The following LRRFIP1 variants were observed in gnomAD, a reference collection of about 807,000 sequenced individuals.
The protein encoded by LRRFIP1 is LRR binding FLII interacting protein 1, also known as leucine-rich repeat flightless-interacting protein 1.
In LRRFIP1, 62 loss-of-function variants were observed where a neutral mutation model predicts 104.4. The observed-to-expected ratio is 0.59, with a 90% CI of 0.48 to 0.73. LRRFIP1 has a LOEUF of 0.73. Ranked by LOEUF, LRRFIP1 falls within the 30% of genes least tolerant of loss-of-function variation. The pLI, the probability that LRRFIP1 is intolerant of heterozygous loss-of-function variation, is 0.00. For synonymous variants in LRRFIP1, 300 were observed against 299.0 expected (o/e 1.00, Z -0.03); for missense variants, 796 against 824.5 (o/e 0.97, Z 0.42).
intron 19 of LRRFIP1, chr2:237,768,318 A>T (rs1213202300): frequency 6.6e-6 from 1 of 152,196 alleles, no homozygotes. Flanking sequence ...TACCTATATC[A>T]ATTTTGCTTG....
At chr2:237,637,361 G>A (rs1024230868) in intron 1 of LRRFIP1, among the ~76,000 whole-genome samples, 2 of 152,148 alleles carry the variant, frequency 1.3e-5, no homozygotes, top group East Asian at 1.9e-4. Context: ...TCAGCTACTC[G>A]GGGGGCTGAG....
chr2:237,701,538 G>A (rs1031870678), intron 1 of LRRFIP1, among the ~76,000 whole-genome samples: 2 of 152,224 alleles, frequency 1.3e-5, no homozygotes, highest in Non-Finnish European at 2.9e-5. Flanking sequence ...CTTGGCCTGA[G>A]CCCCCAGCCT....
Position 237,731,074 on chromosome 2 carries a change from TGG to T in LRRFIP1, c.445-2699_445-2698del, listed in dbSNP as rs1474197431. 2.0e-5 allele frequency among the ~76,000 whole-genome samples: 3 copies of T among 152,358 alleles called. No individual in the cohort carries two copies. The East Asian group carries it at 5.8e-4, about 29-fold the overall frequency. Reference sequence around the variant, plus strand: ...GGCAGAACCCAGGAGAGGTGCCATGTGGCTGAGCACAGGGTGCTGTTGGAGCT... The same window carrying T: ...GGCAGAACCCAGGAGAGGTGCCATGTCTGAGCACAGGGTGCTGTTGGAGCT... On this transcript the variant is annotated intron_variant, in intron 8 of 23. Coordinates refer to ENST00000308482, the MANE Select transcript of LRRFIP1 (RefSeq NM_001137550.2).
In LRRFIP1 at chr2:237,657,784, T is replaced by C. The variant is rs149288953; in HGVS notation, c.96+30044T>C. On this transcript the variant is annotated intron_variant, in intron 1 of 23. Coordinates refer to ENST00000308482, the MANE Select transcript of LRRFIP1 (RefSeq NM_001137550.2). ...GGAATATCGTCCCCATAATTCCTTCTTGAATAAACTATTGAAGACAATGTC... is the reference window on the plus strand; with the variant it reads ...GGAATATCGTCCCCATAATTCCTTCCTGAATAAACTATTGAAGACAATGTC... 3.9e-3 allele frequency among the ~76,000 whole-genome samples: 591 copies of C among 152,358 alleles called. 2 individuals are homozygous for C. Among genetic ancestry groups the C allele is most frequent in the African/African-American group, 0.014 (568 of 41,580 alleles).
rs2088042006 is a variant in LRRFIP1 at position 237,661,856 on chromosome 2, C to T, written c.96+34116C>T. ...CTCTCCTGACCCAGGTACCTATCAG[C>T]CCCCAAAATAGGTGTTGCCATGATT... On this transcript the variant is annotated intron_variant, in intron 1 of 23. Transcript: ENST00000308482. This position sits in a 1 kb window ranked among gnomAD's most constrained non-coding sequence, Gnocchi z 4.4. 6.6e-6 allele frequency among the ~76,000 whole-genome samples: 1 copy of T among 152,174 alleles called. No homozygotes were observed. The highest frequency in any genetic ancestry group is 1.5e-5 in the Non-Finnish European group (1 of 68,024).
intron 1 of LRRFIP1, among the ~76,000 whole-genome samples, chr2:237,640,538 A>G (rs1575069867): frequency 6.6e-6 from 1 of 151,422 alleles, no homozygotes; most frequent in African/African-American, 2.4e-5. Flanking sequence ...GTCGTCCTTC[A>G]CCCCCCAGGA....
chr2:237,648,080 C>G (rs1212224831), intron 1 of LRRFIP1, among the ~76,000 whole-genome samples: 1 of 151,934 alleles, frequency 6.6e-6, no homozygotes, highest in East Asian at 1.9e-4. Flanking sequence ...GTCCACGAGT[C>G]TTTTTGCTTG....
chr2:237,732,736 G>C (rs1244846940), intron 8 of LRRFIP1, among the ~76,000 whole-genome samples: 7 of 152,154 alleles, frequency 4.6e-5, no homozygotes, highest in Non-Finnish European at 8.8e-5. Context: ...TTCCCCATTT[G>C]GGGTTTCATT....
rs1380342640 is a variant in LRRFIP1, at chr2:237,691,094, GCT to G, written c.97-17448_97-17447del. Reference sequence around the variant, plus strand: ...GGAAGGTGAGTGCTCACAGGCGCGAGCTCACGTTACCAAGTTGGGTCAGCGTG... The same window carrying G: ...GGAAGGTGAGTGCTCACAGGCGCGAGCACGTTACCAAGTTGGGTCAGCGTG... On this transcript the variant is annotated intron_variant, in intron 1 of 23. Transcript: ENST00000308482. The surrounding 1 kb of genome is among the most constrained non-coding windows in gnomAD (Gnocchi z 5.4). Among the ~76,000 whole-genome samples, 3 of 151,686 alleles carry G rather than the reference GCT, an allele frequency of 2.0e-5. No homozygotes were observed. The highest frequency in any genetic ancestry group is 7.3e-5 in the African/African-American group (3 of 40,980).
intron 1 of LRRFIP1, chr2:237,692,182 C>G (rs1356769692): frequency 9.7e-7 from 1 of 1,033,218 alleles, no homozygotes; most frequent in Non-Finnish European, 1.2e-6. Context: ...CGGGCGGAGG[C>G]GCCCGAGTCC....
chr2:237,765,460 A>AAT, intron 19 of LRRFIP1: 4 of 773,776 alleles, frequency 5.2e-6, no homozygotes, highest in Non-Finnish European at 6.3e-6. Context: ...AAAAAAAAAA[A>AAT]GTTTTTGAAC....
chr2:237,672,610 A>T (rs2090519337), intron 1 of LRRFIP1, among the ~76,000 whole-genome samples: 1 of 152,124 alleles, frequency 6.6e-6, no homozygotes, highest in Admixed American at 6.5e-5. Context: ...AATTTTCTGT[A>T]CTCCTCAACA....
chr2:237,775,396 T>C (rs78271258), intron 23 of LRRFIP1, among the ~76,000 whole-genome samples: 6,856 of 151,356 alleles, frequency 0.045, 187 homozygotes, highest in Middle Eastern at 0.13. Flanking sequence ...GGTGAGGGGG[T>C]GGAGGGAGCA....
intron 19 of LRRFIP1, chr2:237,763,488 A>G (rs755286877): frequency 2.5e-6 from 4 of 1,613,514 alleles, no homozygotes; most frequent in South Asian, 1.1e-5. Flanking sequence ...AAAGATGTTA[A>G]AAAAGAGTTA....
intron 7 of LRRFIP1, among the ~76,000 whole-genome samples, chr2:237,724,036 A>G (rs552385192): frequency 2.0e-5 from 3 of 150,752 alleles, no homozygotes; most frequent in South Asian, 4.2e-4. Flanking sequence ...TTCAAATTAA[A>G]TGTACAATCT....
At chr2:237,647,417 C>T (rs756383152) in intron 1 of LRRFIP1, among the ~76,000 whole-genome samples, 2 of 151,984 alleles carry the variant, frequency 1.3e-5, no homozygotes, top group Non-Finnish European at 2.9e-5. Flanking sequence ...CTCCTCTAGC[C>T]AATGTGAGGG....
chr2:237,631,861 G>C lies in LRRFIP1; in HGVS notation c.96+4121G>C, dbSNP rs531248145. Among the ~76,000 whole-genome samples the C allele has an allele frequency of 2.0e-5, 3 of 152,326 alleles. No homozygotes were observed. The South Asian group carries it at 6.2e-4, about 32-fold the overall frequency. ...AGTGCGGTGAGCTTATTATCCCCTG[G>C]TGGTGCCATAGGTACCCCTTCCTCA... On this transcript the variant is annotated intron_variant, in intron 1 of 23. Transcript: ENST00000308482.
intron 1 of LRRFIP1, among the ~76,000 whole-genome samples, chr2:237,690,121 T>C (rs991959623): frequency 1.3e-5 from 2 of 151,996 alleles, no homozygotes; most frequent in Non-Finnish European, 2.9e-5. Flanking sequence ...AGCCTGGGGG[T>C]TAGGAAAATG....
At chr2:237,705,210 G>A (rs2093744913) in intron 1 of LRRFIP1, among the ~76,000 whole-genome samples, 2 of 152,194 alleles carry the variant, frequency 1.3e-5, no homozygotes, top group Admixed American at 6.5e-5. Context: ...GCAGGTGCCT[G>A]GGACCCCCCT....
Sources: gnomAD v4.1 joint callset for allele counts (sites outside exome capture counted in the v4.1 genomes callset) on GRCh38, gnomAD v4.1.1 for gene constraint, Gnocchi (gnomAD v3.1) non-coding constraint, MANE v1.5 for transcripts, NCBI Gene and HGNC (gene_info 2026-07-23, HGNC 2026-07-21) for gene names.